Variants in EFNA5 observed in about 807,000 individuals in gnomAD.
The protein encoded by EFNA5 is ephrin A5.
A neutral mutation model predicts 22.9 loss-of-function variants in EFNA5; 5 were observed. That is an observed-to-expected ratio of 0.22 (90% CI 0.11 to 0.46). EFNA5 has a LOEUF of 0.46. Among genes scored for constraint, EFNA5 ranks in the 20% least tolerant of loss-of-function variants. The pLI is 0.99. For synonymous variants in EFNA5, 113 were observed against 112.2 expected (o/e 1.01, Z -0.04); for missense variants, 237 against 293.3 (o/e 0.81, Z 1.40).
rs544806736 is a variant in EFNA5, at chr5:107,463,417, A to G, written c.126-35908T>C. On this transcript the variant is annotated intron_variant, in intron 1 of 4. Coordinates refer to ENST00000333274, the MANE Select transcript of EFNA5 (RefSeq NM_001962.3). Reference sequence around the variant, plus strand: ...TTTTCCTCAATAATACATTTATTTTATAATCAGAAAGATAGCATTAGAATT... The same window carrying G: ...TTTTCCTCAATAATACATTTATTTTGTAATCAGAAAGATAGCATTAGAATT... Among the ~76,000 whole-genome samples, 147 of 152,264 alleles carry G rather than the reference A, an allele frequency of 9.7e-4. 1 individual carries two copies. Among genetic ancestry groups the G allele is most frequent in the Non-Finnish European group, 1.3e-3 (91 of 67,998 alleles).
chr5:107,546,111 A>C (rs1171396124), intron 1 of EFNA5, among the ~76,000 whole-genome samples: 1 of 152,180 alleles, frequency 6.6e-6, no homozygotes, highest in East Asian at 1.9e-4. Context: ...AGCGATATCA[A>C]AAGTTGTATT....
Position 107,669,563 on chromosome 5 carries a change from A to G in EFNA5, c.125+926T>C, listed in dbSNP as rs138130796. 1.6e-3 allele frequency among the ~76,000 whole-genome samples: 237 copies of G among 152,012 alleles called. 2 individuals are homozygous for G. Among genetic ancestry groups the G allele is most frequent in the African/African-American group, 5.6e-3 (233 of 41,462 alleles). ...CACTCCACTTCCAGGGTCCGAAAAC[A>G]CGGGACGTCTGCGACTGGCCGGTGT... On this transcript the variant is annotated intron_variant, in intron 1 of 4. Coordinates refer to ENST00000333274, the MANE Select transcript of EFNA5 (RefSeq NM_001962.3).
At chr5:107,610,827 C>T (rs900341547) in intron 1 of EFNA5, among the ~76,000 whole-genome samples, 4 of 152,036 alleles carry the variant, frequency 2.6e-5, no homozygotes, top group East Asian at 3.9e-4. Context: ...CATAGCGGCA[C>T]GGAGGCATAG....
chr5:107,388,479 T>G (rs929836434), intron 2 of EFNA5: 2 of 152,052 alleles, frequency 1.3e-5, no homozygotes, highest in Non-Finnish European at 2.9e-5. Flanking sequence ...ATTAATAAAG[T>G]GGGCTTACCA....
At chr5:107,604,706 C>T (rs1269368294) in intron 1 of EFNA5, among the ~76,000 whole-genome samples, 7 of 152,170 alleles carry the variant, frequency 4.6e-5, no homozygotes, top group African/African-American at 1.7e-4. Context: ...TTCATCACTG[C>T]CAGGCGTATT....
At chr5:107,496,156 G>A (rs538644292) in intron 1 of EFNA5, among the ~76,000 whole-genome samples, 2 of 122,136 alleles carry the variant, frequency 1.6e-5, no homozygotes, top group South Asian at 5.6e-4. Flanking sequence ...TGAAACCCCT[G>A]TCTCTGCTAA....
At chr5:107,392,514 T>C (rs1211238924) in intron 2 of EFNA5, among the ~76,000 whole-genome samples, 2 of 152,206 alleles carry the variant, frequency 1.3e-5, no homozygotes, top group African/African-American at 4.8e-5. Context: ...GTGAGTGAGC[T>C]GCAAAGTGAA....
intron 1 of EFNA5, among the ~76,000 whole-genome samples, chr5:107,502,338 A>G (rs1034269153): frequency 6.6e-6 from 1 of 152,208 alleles, no homozygotes; most frequent in African/African-American, 2.4e-5. Flanking sequence ...TAACAGTATC[A>G]TCATTTAGAA....
At chr5:107,484,890 T>C (rs571839733) in intron 1 of EFNA5, among the ~76,000 whole-genome samples, 3 of 150,184 alleles carry the variant, frequency 2.0e-5, no homozygotes, top group Non-Finnish European at 4.4e-5. Flanking sequence ...AAGAAACACA[T>C]CTTAAAAATA....
intron 1 of EFNA5, among the ~76,000 whole-genome samples, chr5:107,588,741 A>G (rs1463095793): frequency 1.3e-5 from 2 of 152,236 alleles, no homozygotes; most frequent in East Asian, 3.8e-4. Flanking sequence ...AGGGGAAACA[A>G]TGTGTGTAAT....
chr5:107,637,813 C>T (rs950334538), intron 1 of EFNA5, among the ~76,000 whole-genome samples: 3 of 148,890 alleles, frequency 2.0e-5, no homozygotes, highest in African/African-American at 7.3e-5. Context: ...ACAGAGAAAA[C>T]AAAAAACTAA....
At chr5:107,453,899 T>A (rs989899231) in intron 1 of EFNA5, among the ~76,000 whole-genome samples, 7 of 152,162 alleles carry the variant, frequency 4.6e-5, no homozygotes, top group African/African-American at 1.7e-4. Flanking sequence ...AGAAGAATAA[T>A]CAGCTCTCAG....
At chr5:107,404,965 A>G (rs1316550799) in intron 2 of EFNA5, among the ~76,000 whole-genome samples, 1 of 152,154 alleles carries the variant, frequency 6.6e-6, no homozygotes, top group East Asian at 1.9e-4. Context: ...TTAATATTAT[A>G]TTACTGTAAC....
intron 1 of EFNA5, among the ~76,000 whole-genome samples, chr5:107,458,455 T>A (rs1749750417): frequency 6.6e-6 from 1 of 151,510 alleles, no homozygotes; most frequent in South Asian, 2.1e-4. Flanking sequence ...CGAGTCAAAG[T>A]TTGAGCAGGA....
intron 1 of EFNA5, among the ~76,000 whole-genome samples, chr5:107,637,888 C>A (rs1425281499): frequency 6.6e-6 from 1 of 151,470 alleles, no homozygotes; most frequent in African/African-American, 2.4e-5. Context: ...ACTCTGTCGC[C>A]CAGGCTGGAG....
chr5:107,538,886 T>G (rs1747982566), intron 1 of EFNA5, among the ~76,000 whole-genome samples: 1 of 152,228 alleles, frequency 6.6e-6, no homozygotes, highest in Non-Finnish European at 1.5e-5. Flanking sequence ...TTTGAGGCAT[T>G]CAGCTTTTCT....
chr5:107,394,764 C>G (rs1312492281), intron 2 of EFNA5, among the ~76,000 whole-genome samples: 1 of 152,154 alleles, frequency 6.6e-6, no homozygotes, highest in African/African-American at 2.4e-5. Context: ...TTAGCCACCT[C>G]AAGTAAATGG....
intron 1 of EFNA5, among the ~76,000 whole-genome samples, chr5:107,647,258 G>A (rs1750647196): frequency 6.6e-6 from 1 of 152,076 alleles, no homozygotes; most frequent in African/African-American, 2.4e-5. Context: ...ACTTCTTGGT[G>A]TAAATATGTA....
intron 1 of EFNA5, among the ~76,000 whole-genome samples, chr5:107,595,557 A>G (rs1318318315): frequency 6.6e-6 from 1 of 152,226 alleles, no homozygotes; most frequent in Non-Finnish European, 1.5e-5. Flanking sequence ...AAGCCGGGAA[A>G]GGGAAAGATA....
Sources: allele counts gnomAD v4.1 joint callset (sites outside exome capture counted in the v4.1 genomes callset), GRCh38; gene constraint gnomAD v4.1.1; transcripts MANE v1.5; gene names NCBI Gene and HGNC (gene_info 2026-07-23, HGNC 2026-07-21).